The following ERGIC1 variants were observed in gnomAD, a reference collection of about 807,000 sequenced individuals.
ERGIC1 encodes endoplasmic reticulum-Golgi intermediate compartment protein 1.
Under a neutral mutation model 38.3 loss-of-function variants are expected in ERGIC1, and 19 were observed. The ratio of observed to expected loss-of-function variants is 0.50; its 90% CI spans 0.35 to 0.73. ERGIC1 has a LOEUF of 0.73. Among genes scored for constraint, ERGIC1 ranks in the 30% least tolerant of loss-of-function variants. The pLI is 0.01. For missense variants in ERGIC1, 294 were observed against 389.2 expected, an observed-to-expected ratio of 0.76 and a Z score of 2.06; for synonymous variants, 124 against 157.6, an observed-to-expected ratio of 0.79 and a Z score of 1.60.
intron 1 of ERGIC1, among the ~76,000 whole-genome samples, chr5:172,841,078 A>G (rs944089041): frequency 6.6e-6 from 1 of 152,208 alleles, no homozygotes; most frequent in African/African-American, 2.4e-5. Flanking sequence ...ACAGTTTGGG[A>G]AACACAGCCC....
intron 1 of ERGIC1, among the ~76,000 whole-genome samples, chr5:172,843,756 C>T (rs75593415): frequency 1.1e-3 from 161 of 152,310 alleles, no homozygotes; most frequent in African/African-American, 3.8e-3. Flanking sequence ...ACATTGCACT[C>T]ATTCGGCAGA....
intron 1 of ERGIC1, chr5:172,867,534 C>T: frequency 2.2e-6 from 1 of 446,624 alleles, no homozygotes; most frequent in Non-Finnish European, 4.5e-6. Flanking sequence ...AGAAGACAGC[C>T]AGGCAGGCCT....
chr5:172,914,254 A>AAAAAAAAAAT lies in ERGIC1; in HGVS notation c.251-457_251-456insAAAAAATAAA, dbSNP rs796565475. On this transcript the variant is annotated intron_variant, in intron 4 of 9. Coordinates refer to ENST00000393784, the MANE Select transcript of ERGIC1 (RefSeq NM_001031711.3). ...TGTCTCAAAAAAAAAAAAAAAAAAA[A>AAAAAAAAAAT]AAATACAAAGACTATCTGAGATACA... 2.4e-4 allele frequency among the ~76,000 whole-genome samples: 31 copies of AAAAAAAAAAT among 131,300 alleles called. 1 individual carries two copies. The highest frequency in any genetic ancestry group is 3.2e-4 in the Non-Finnish European group (20 of 62,676). The allele number at this position is 131,300 out of a possible 152,430, so 86.1% of individuals were successfully genotyped here.
intron 2 of ERGIC1, among the ~76,000 whole-genome samples, chr5:172,893,935 G>GTGTGTGTGTGTGTGTGTGTATATATA (rs1429850022): frequency 3.5e-4 from 15 of 42,818 alleles, no homozygotes; most frequent in South Asian, 1.7e-3. Context: ...GTGTGTGTGT[G>GTGTGTGTGTGTGTGTGTGTATATATA]TATATATATA....
intron 7 of ERGIC1, among the ~76,000 whole-genome samples, chr5:172,930,320 TG>T (rs1343717472): frequency 1.3e-5 from 2 of 151,950 alleles, no homozygotes; most frequent in Admixed American, 6.6e-5. Context: ...GGTGATTTTT[TG>T]TTTTGTCCTT....
chr5:172,858,234 C>T (rs192265859), intron 1 of ERGIC1, among the ~76,000 whole-genome samples: 12 of 152,292 alleles, frequency 7.9e-5, no homozygotes, highest in Admixed American at 4.6e-4. Context: ...GGTCACAGGT[C>T]GGCCGGCTGA....
chr5:172,834,479 G>A lies in ERGIC1; in HGVS notation c.20+46G>A. 2 of 1,293,314 alleles carry A rather than the reference G, an allele frequency of 1.5e-6. No individual in the cohort carries two copies. The highest frequency in any genetic ancestry group is 2.0e-6 in the Non-Finnish European group (2 of 1,017,878). The allele number at this position is 1,293,314 out of a possible 1,614,324, so 80.1% of individuals were successfully genotyped here. A position where few individuals can be genotyped will look rare whatever the true frequency, so the allele number is the denominator to read the frequency against. ...CAGTCGGGAGTTCCCTCAGCGGGCA[G>A]AGGGAGCGCCCCGGCACGCCGCGGA... On this transcript the variant is annotated intron_variant, in intron 1 of 9. Transcript: ENST00000393784. The surrounding 1 kb of genome is among the most constrained non-coding windows in gnomAD (Gnocchi z 4.1).
At chr5:172,948,338 C>T (rs1406411028) in intron 9 of ERGIC1, among the ~76,000 whole-genome samples, 5 of 152,232 alleles carry the variant, frequency 3.3e-5, no homozygotes, top group Admixed American at 6.5e-5. Flanking sequence ...ACTTCCCTCT[C>T]GCCTTTGCTA....
At chr5:172,950,125 G>A (rs898782078) in intron 9 of ERGIC1, among the ~76,000 whole-genome samples, 4 of 152,210 alleles carry the variant, frequency 2.6e-5, no homozygotes, top group African/African-American at 9.6e-5. Context: ...AGGCCTCTCT[G>A]TCCTTTGTAG....
intron 3 of ERGIC1, among the ~76,000 whole-genome samples, chr5:172,900,301 T>A (rs1762836715): frequency 6.6e-6 from 1 of 152,246 alleles, no homozygotes; most frequent in Non-Finnish European, 1.5e-5. Context: ...CACAGTGTGT[T>A]CCCACTGCTC....
chr5:172,845,469 C>A (rs985184143), intron 1 of ERGIC1, among the ~76,000 whole-genome samples: 5 of 152,202 alleles, frequency 3.3e-5, no homozygotes, highest in African/African-American at 4.8e-5. Context: ...TGTCCACAGA[C>A]CAGGAGCAGC....
chr5:172,950,686 A>T (rs1244191256), intron 9 of ERGIC1, 23 bp from the exon 10 acceptor site: 1 of 1,594,906 alleles, frequency 6.3e-7, no homozygotes, highest in South Asian at 1.1e-5. Flanking sequence ...TGACACTCCC[A>T]CCCCACCCCT....
intron 2 of ERGIC1, among the ~76,000 whole-genome samples, chr5:172,894,981 G>A (rs985577243): frequency 6.6e-5 from 10 of 152,244 alleles, no homozygotes; most frequent in African/African-American, 2.2e-4. Flanking sequence ...TAGGCAGATC[G>A]ATATATGTAA....
intron 4 of ERGIC1, among the ~76,000 whole-genome samples, chr5:172,910,417 G>A (rs1030418563): frequency 3.3e-5 from 5 of 152,170 alleles, no homozygotes; most frequent in Non-Finnish European, 7.3e-5. Context: ...ATCCATGAGA[G>A]AGTGCAGGAC....
intron 5 of ERGIC1, among the ~76,000 whole-genome samples, chr5:172,921,055 A>G (rs1207834888): frequency 3.3e-5 from 5 of 152,200 alleles, no homozygotes; most frequent in Admixed American, 3.3e-4. Context: ...GGCTCCGATG[A>G]CAAACATGTT....
At chr5:172,941,498 C>T (rs1764012169) in intron 9 of ERGIC1, among the ~76,000 whole-genome samples, 1 of 152,136 alleles carries the variant, frequency 6.6e-6, no homozygotes, top group Admixed American at 6.5e-5. Flanking sequence ...AAGGCTCGGA[C>T]CTGACCCCAG....
chr5:172,854,488 G>T (rs1168166208), intron 1 of ERGIC1, among the ~76,000 whole-genome samples: 1 of 152,260 alleles, frequency 6.6e-6, no homozygotes, highest in Non-Finnish European at 1.5e-5. Context: ...TGTTGGGTTT[G>T]CACGTTCTAC....
chr5:172,943,064 C>T (rs754905464), intron 9 of ERGIC1, among the ~76,000 whole-genome samples: 13 of 152,136 alleles, frequency 8.5e-5, no homozygotes, highest in South Asian at 6.2e-4. Flanking sequence ...CTTGCTTACT[C>T]GGTAGCCCTG....
At chr5:172,853,126 G>A (rs1761454489) in intron 1 of ERGIC1, among the ~76,000 whole-genome samples, 2 of 152,174 alleles carry the variant, frequency 1.3e-5, no homozygotes, top group African/African-American at 4.8e-5. Context: ...TTTGCTGCAG[G>A]CCCACAAGGT....
Sources: gnomAD v4.1 joint callset for allele counts (sites outside exome capture counted in the v4.1 genomes callset) on GRCh38, gnomAD v4.1.1 for gene constraint, Gnocchi (gnomAD v3.1) non-coding constraint, MANE v1.5 for transcripts, NCBI Gene and HGNC (gene_info 2026-07-23, HGNC 2026-07-21) for gene names.